The following CEP162 variants were observed in gnomAD, a reference collection of about 807,000 sequenced individuals.
CEP162 encodes centrosomal protein of 162 kDa.
CEP162 carries 141 observed loss-of-function variants against 169.2 expected under a neutral mutation model. The ratio of observed to expected loss-of-function variants is 0.83; its 90% CI spans 0.73 to 0.96. The LOEUF (loss-of-function observed/expected upper bound fraction) is 0.96. CEP162 is among the 40% of genes least tolerant of loss of function. The pLI is 0.00. For missense variants in CEP162, 1,600 were observed against 1,587.2 expected, an observed-to-expected ratio of 1.01 and a Z score of -0.14; for synonymous variants, 540 against 526.4, an observed-to-expected ratio of 1.03 and a Z score of -0.35.
intron 19 of CEP162, among the ~76,000 whole-genome samples, chr6:84,162,379 A>G (rs1311484017): frequency 6.6e-6 from 1 of 152,160 alleles, no homozygotes; most frequent in Non-Finnish European, 1.5e-5. Context: ...GTTACTCTAT[A>G]TTTTACGGAA....
rs1188022499 is a variant in CEP162, at chr6:84,204,219, TA to T, written c.572-124del. On this transcript the variant is annotated intron_variant, in intron 6 of 26. Transcript: ENST00000403245. The stretch of plus-strand genomic sequence containing the variant: ...AGAATAGTTTATTGAAATAGTAACA[TA>T]AAGATGTCTTTAGAGAATCTACAGA... The T allele has an allele frequency of 5.3e-6, 3 of 565,926 alleles. No individual in the cohort carries two copies. In the East Asian group the frequency reaches 8.9e-5, roughly 17 times the overall value. 35.1% of individuals were successfully genotyped at this position (565,926 alleles called of 1,614,324 possible).
chr6:84,136,853 A>G (rs192325490), intron 25 of CEP162, among the ~76,000 whole-genome samples: 73 of 152,340 alleles, frequency 4.8e-4, no homozygotes, highest in Non-Finnish European at 9.1e-4. Flanking sequence ...CTTGGGTTCA[A>G]TCACTTTTCT....
At chr6:84,126,590 G>C (rs1188174235) in intron 25 of CEP162, 78 bp from the exon 26 acceptor site, 2 of 1,103,770 alleles carry the variant, frequency 1.8e-6, no homozygotes, top group Non-Finnish European at 2.5e-6. Context: ...CAGAATATTT[G>C]TATAAAATTT....
At chr6:84,134,804 G>C (rs1482052232) in intron 25 of CEP162, among the ~76,000 whole-genome samples, 2 of 151,886 alleles carry the variant, frequency 1.3e-5, no homozygotes, top group African/African-American at 4.8e-5. Flanking sequence ...CATCTTGCCA[G>C]CCTCCCCCCC....
intron 23 of CEP162, among the ~76,000 whole-genome samples, chr6:84,150,937 C>G (rs1010723650): frequency 2.0e-5 from 3 of 152,110 alleles, no homozygotes; most frequent in African/African-American, 7.2e-5. Context: ...TAATCTTACA[C>G]CAGTTCTCAA....
intron 4 of CEP162, 56 bp downstream of exon 4, chr6:84,215,720 T>C: frequency 6.6e-7 from 1 of 1,518,250 alleles, no homozygotes; most frequent in East Asian, 2.4e-5. Context: ...TTTGTAATTC[T>C]GAATATAAGC....
In CEP162 at chr6:84,172,597, T is replaced by A. The variant is rs574512539; in HGVS notation, c.2167-879A>T. 6.1e-4 allele frequency among the ~76,000 whole-genome samples: 93 copies of A among 152,312 alleles called. No individual in the cohort carries two copies. The South Asian group carries it at 9.1e-3, about 15-fold the overall frequency. The stretch of plus-strand genomic sequence containing the variant: ...TTGGAGGGGTTGGTCGGCATACTTA[T>A]GGGTCTGTTAAATTTTCTTAAAAAC... On this transcript the variant is annotated intron_variant, in intron 16 of 26. Coordinates refer to ENST00000403245, the MANE Select transcript of CEP162 (RefSeq NM_014895.4).
Position 84,125,052 on chromosome 6 carries a change from AT to A in CEP162, c.*17del. 1 of 1,591,528 alleles carries A rather than the reference AT, an allele frequency of 6.3e-7. No individual in the cohort carries two copies. The highest frequency in any genetic ancestry group is 8.6e-7 in the Non-Finnish European group (1 of 1,161,732). ...CTTCAGGCCTTTTAATAAGGTCATT[AT>A]GAAATCTGAATTTCTATTAATACTC... On this transcript the variant is annotated 3_prime_UTR_variant, in exon 27 of 27. Transcript: ENST00000403245.
intron 23 of CEP162, among the ~76,000 whole-genome samples, chr6:84,151,810 T>C (rs189373345): frequency 1.3e-5 from 2 of 152,120 alleles, no homozygotes; most frequent in Non-Finnish European, 2.9e-5. Context: ...GTCAACATTG[T>C]TGAAGAAAAT....
chr6:84,174,909 T>C lies in CEP162; in HGVS notation c.1843A>G (p.Met615Val), dbSNP rs201336749. 8.2e-6 allele frequency: 13 copies of C among 1,582,764 alleles called. No individual in the cohort carries two copies. Among genetic ancestry groups the C allele is most frequent in the Non-Finnish European group, 1.1e-5 (13 of 1,163,818 alleles). Residue 615 changes from methionine to valine, a missense_variant, in exon 15 of 27, where the codon ATG (methionine) becomes GTG (valine). Met to Val is a conservative substitution (Grantham distance 21, BLOSUM62 1). Coordinates refer to ENST00000403245, the MANE Select transcript of CEP162 (RefSeq NM_014895.4). ...CGENKEKKLL[M>V]FKRVQEAEDK... ...TCTGCTTCCTGAACTCTTTTAAACATAAGTAATTTCTTCTCCTTGTTCTCA... is the reference window on the plus strand; with the variant it reads ...TCTGCTTCCTGAACTCTTTTAAACACAAGTAATTTCTTCTCCTTGTTCTCA...
rs950106314 is a variant in CEP162, at chr6:84,203,974, T to C, written c.687+7A>G. ...AAAACTGTCAAATATATAATTGATA[T>C]ATATACCTGTTTGGGCACACTTATT... On this transcript the variant is annotated splice_region_variant and intron_variant, in intron 7 of 26. Transcript: ENST00000403245. 5 of 1,567,376 alleles carry C rather than the reference T, an allele frequency of 3.2e-6. No individual in the cohort carries two copies. In the African/African-American group the frequency reaches 4.1e-5, roughly 13 times the overall value.
intron 25 of CEP162, among the ~76,000 whole-genome samples, chr6:84,134,807 T>TC (rs1027748871): frequency 4.6e-4 from 69 of 151,314 alleles, no homozygotes; most frequent in Middle Eastern, 3.2e-3. Context: ...CTTGCCAGCC[T>TC]CCCCCCCACA....
chr6:84,180,834 C>T (rs551478035), intron 13 of CEP162, among the ~76,000 whole-genome samples: 27 of 151,942 alleles, frequency 1.8e-4, no homozygotes, highest in Non-Finnish European at 3.7e-4. Flanking sequence ...CACTGCTCAA[C>T]GAAATAAAAG....
intron 16 of CEP162, among the ~76,000 whole-genome samples, chr6:84,172,491 G>A (rs1172760083): frequency 6.6e-6 from 1 of 152,128 alleles, no homozygotes; most frequent in Non-Finnish European, 1.5e-5. Flanking sequence ...AGTGCCTGGC[G>A]ACAGTCTGTG....
At chr6:84,159,903 C>T (rs1257032929) in intron 21 of CEP162, among the ~76,000 whole-genome samples, 1 of 151,878 alleles carries the variant, frequency 6.6e-6, no homozygotes, top group Non-Finnish European at 1.5e-5. Flanking sequence ...GTTCTTCATA[C>T]CACATTTGGC....
intron 6 of CEP162, among the ~76,000 whole-genome samples, chr6:84,205,013 G>A (rs1472466384): frequency 6.6e-6 from 1 of 152,078 alleles, no homozygotes; most frequent in East Asian, 1.9e-4. Flanking sequence ...ACCCTCCCAA[G>A]ACTAAACCAG....
chr6:84,216,431 A>G (rs534499031), intron 3 of CEP162, among the ~76,000 whole-genome samples: 9 of 152,314 alleles, frequency 5.9e-5, no homozygotes, highest in Non-Finnish European at 1.2e-4. Flanking sequence ...TGGAAATAGT[A>G]AAAGCTCTTT....
At chr6:84,203,554 C>T (rs564840471) in intron 7 of CEP162, among the ~76,000 whole-genome samples, 2 of 152,146 alleles carry the variant, frequency 1.3e-5, no homozygotes, top group Non-Finnish European at 2.9e-5. Context: ...AAGTGATCCT[C>T]CCACCTCAGT....
chr6:84,187,780 C>G (rs9444144), intron 11 of CEP162, among the ~76,000 whole-genome samples: 9,214 of 152,084 alleles, frequency 0.061, 902 homozygotes, highest in African/African-American at 0.21. Flanking sequence ...ACATGCCAGC[C>G]GACCATGGAG....
Sources: gnomAD v4.1 joint callset for allele counts (sites outside exome capture counted in the v4.1 genomes callset) on GRCh38, gnomAD v4.1.1 for gene constraint, MANE v1.5 for transcripts, NCBI Gene and HGNC (gene_info 2026-07-23, HGNC 2026-07-21) for gene names.